The following RAPGEF6 variants were observed in gnomAD, a reference collection of about 807,000 sequenced individuals.
RAPGEF6 encodes Rap guanine nucleotide exchange factor 6, also known as PDZ domain containing guanine nucleotide exchange factor (GEF) 2.
In RAPGEF6, 56 loss-of-function variants were observed where a neutral mutation model predicts 171.4. The ratio of observed to expected loss-of-function variants is 0.33; its 90% CI spans 0.26 to 0.41. The LOEUF is 0.41. Among genes scored for constraint, RAPGEF6 ranks in the 10% least tolerant of loss-of-function variants. The pLI is 1.00. For synonymous variants in RAPGEF6, 692 were observed against 650.1 expected (o/e 1.06, Z -0.98); for missense variants, 1,674 against 1,921.4 (o/e 0.87, Z 2.41).
intron 17 of RAPGEF6, among the ~76,000 whole-genome samples, chr5:131,466,113 A>C (rs1229972258): frequency 2.0e-5 from 3 of 151,680 alleles, no homozygotes; most frequent in Non-Finnish European, 4.4e-5. Context: ...AAAAAAAAAA[A>C]AGACTTGCTC....
chr5:131,446,549 C>A lies in RAPGEF6; in HGVS notation c.3355G>T (p.Asp1119Tyr), dbSNP rs774174536. ...AACTTCTCCTCATCTGTCTCTACAT[C>A]GAGACTGGAAAGATACTGCTTCACC... ...RKVKQYLSSL[D>Y]VETDEEKFQM... The change falls in exon 22 of 28, where the codon GAT becomes TAT. Residue 1119 changes from aspartate to tyrosine, a missense_variant. Transcript: ENST00000509018. The A allele has an allele frequency of 1.4e-5, 23 of 1,614,118 alleles. No individual in the cohort carries two copies. The highest frequency in any genetic ancestry group is 2.2e-5 in the East Asian group (1 of 44,892).
intron 4 of RAPGEF6, among the ~76,000 whole-genome samples, chr5:131,564,518 A>C (rs1000956949): frequency 2.0e-5 from 3 of 152,230 alleles, no homozygotes; most frequent in Non-Finnish European, 4.4e-5. Flanking sequence ...AATTAGCTAG[A>C]CTATACGTTA....
intron 4 of RAPGEF6, among the ~76,000 whole-genome samples, chr5:131,567,839 AT>A (rs1762043905): frequency 6.6e-6 from 1 of 152,216 alleles, no homozygotes; most frequent in Non-Finnish European, 1.5e-5. Flanking sequence ...AATCCTTTCA[AT>A]TCTGTCAGTT....
intron 15 of RAPGEF6, among the ~76,000 whole-genome samples, chr5:131,484,734 G>GATTATGGTAATAAT (rs1222539821): frequency 6.6e-6 from 1 of 151,992 alleles, no homozygotes; most frequent in African/African-American, 2.4e-5. Flanking sequence ...TAACTCAACA[G>GATTATGGTAATAAT]ATTATGGTAA....
intron 8 of RAPGEF6, 87 bp downstream of exon 8, chr5:131,510,227 T>C: frequency 7.6e-7 from 1 of 1,309,920 alleles, no homozygotes; most frequent in Non-Finnish European, 1.0e-6. Flanking sequence ...ACACATTTAT[T>C]AAGTTTTAGA....
At chr5:131,508,046 G>T in intron 9 of RAPGEF6, 25 bp downstream of exon 9, 1 of 1,537,654 alleles carries the variant, frequency 6.5e-7, no homozygotes, top group Non-Finnish European at 8.8e-7. Flanking sequence ...CATAATAAAT[G>T]TATGTAATTT....
intron 12 of RAPGEF6, among the ~76,000 whole-genome samples, chr5:131,497,909 GAAC>G (rs1460142491): frequency 2.6e-5 from 4 of 152,084 alleles, no homozygotes; most frequent in Non-Finnish European, 4.4e-5. Flanking sequence ...TTAAAATAGT[GAAC>G]AACATTTAAT....
intron 1 of RAPGEF6, among the ~76,000 whole-genome samples, chr5:131,607,589 G>C (rs1048114653): frequency 9.2e-5 from 14 of 152,178 alleles, no homozygotes. Context: ...GTGGGGGTTG[G>C]GTGGGGGACA....
At position 131,600,352 on chromosome 5, in the gene RAPGEF6, T is replaced by C. The variant is rs185340981; in HGVS notation, c.197+2919A>G. Among the ~76,000 whole-genome samples, 558 of 152,166 alleles carry C rather than the reference T, an allele frequency of 3.7e-3. 3 individuals are homozygous for C. Among genetic ancestry groups the C allele is most frequent in the African/African-American group, 0.011 (452 of 41,500 alleles). ...GCCTGGCCAATGTGGTGAAACCCCA[T>C]CTCTACTAAAAATACAAAAATTAGC... On this transcript the variant is annotated intron_variant, in intron 3 of 27. Coordinates refer to ENST00000509018, the MANE Select transcript of RAPGEF6 (RefSeq NM_016340.6).
At chr5:131,488,363 G>A (rs985774482) in intron 15 of RAPGEF6, among the ~76,000 whole-genome samples, 16 of 152,148 alleles carry the variant, frequency 1.1e-4, no homozygotes, top group Admixed American at 5.9e-4. Flanking sequence ...AGAAACCTAG[G>A]AAATAGTGCT....
chr5:131,620,582 C>CA (rs1554088436), intron 1 of RAPGEF6, among the ~76,000 whole-genome samples: 2 of 149,112 alleles, frequency 1.3e-5, no homozygotes, highest in Non-Finnish European at 3.0e-5. Context: ...AAAATCCATT[C>CA]TTTTTTTTTT....
chr5:131,442,659 T>A (rs1752461537), intron 22 of RAPGEF6, 122 bp from the exon 23 acceptor site: 1 of 1,401,898 alleles, frequency 7.1e-7, no homozygotes, highest in African/African-American at 1.5e-5. Flanking sequence ...AATAGATTAA[T>A]TTTTCTTAGC....
intron 6 of RAPGEF6, among the ~76,000 whole-genome samples, chr5:131,539,072 A>G (rs565111793): frequency 3.3e-5 from 5 of 152,322 alleles, no homozygotes; most frequent in Non-Finnish European, 7.4e-5. Context: ...AGAGAAGAGA[A>G]GCAATATTGA....
chr5:131,488,401 AT>A (rs1343524456), intron 15 of RAPGEF6, among the ~76,000 whole-genome samples: 1 of 152,212 alleles, frequency 6.6e-6, no homozygotes, highest in Non-Finnish European at 1.5e-5. Context: ...GAAAGACTAA[AT>A]AATTTGCTCA....
At chr5:131,618,280 G>C (rs1170590627) in intron 1 of RAPGEF6, among the ~76,000 whole-genome samples, 1 of 152,054 alleles carries the variant, frequency 6.6e-6, no homozygotes, top group Non-Finnish European at 1.5e-5. Flanking sequence ...GAGAAAGGAA[G>C]GTGAGGAAAG....
At chr5:131,588,258 T>C (rs899080582) in intron 4 of RAPGEF6, among the ~76,000 whole-genome samples, 42 of 152,298 alleles carry the variant, frequency 2.8e-4, no homozygotes, top group African/African-American at 1.0e-3. Context: ...ACTAGAGACT[T>C]CTACCTAGTC....
rs573377788 is a variant in RAPGEF6, at chr5:131,588,483, C to T, written c.281+3900G>A. 2.0e-5 allele frequency among the ~76,000 whole-genome samples: 3 copies of T among 152,244 alleles called. No individual in the cohort carries two copies. In the East Asian group the frequency reaches 5.8e-4, roughly 29 times the overall value. ...GGCTCACACTGTAGGGTGGCTCACA[C>T]TGTAATCCCAGCACTTTGGGAGGCC... On this transcript the variant is annotated intron_variant, in intron 4 of 27. Coordinates refer to ENST00000509018, the MANE Select transcript of RAPGEF6 (RefSeq NM_016340.6).
At chr5:131,591,536 C>A (rs1763591111) in intron 4 of RAPGEF6, among the ~76,000 whole-genome samples, 3 of 152,150 alleles carry the variant, frequency 2.0e-5, no homozygotes, top group Non-Finnish European at 4.4e-5. Flanking sequence ...AAGTAATCTG[C>A]CCAAGAAACA....
chr5:131,484,222 CTTTTTTTTTT>C (rs751000560), intron 15 of RAPGEF6, among the ~76,000 whole-genome samples: 1 of 74,108 alleles, frequency 1.3e-5, no homozygotes, highest in African/African-American at 6.2e-5. Context: ...ACTGCAGAGG[CTTTTTTTTTT>C]TTTTTTTTTT....
Sources: gnomAD v4.1 joint callset for allele counts (sites outside exome capture counted in the v4.1 genomes callset) on GRCh38, gnomAD v4.1.1 for gene constraint, MANE v1.5 for transcripts, NCBI Gene and HGNC (gene_info 2026-07-23, HGNC 2026-07-21) for gene names.